The following MYLK variants were observed in gnomAD, a reference collection of about 807,000 sequenced individuals.
MYLK encodes the protein myosin light chain kinase, also known as myosin light chain kinase, smooth muscle.
Under a neutral mutation model 203.4 loss-of-function variants are expected in MYLK, and 106 were observed. The ratio of observed to expected loss-of-function variants is 0.52; its 90% CI spans 0.45 to 0.61. The LOEUF (loss-of-function observed/expected upper bound fraction) is 0.61. MYLK is among the 20% of genes least tolerant of loss of function. The pLI is 0.00. For synonymous variants in MYLK, 867 were observed against 959.5 expected, an observed-to-expected ratio of 0.90 and a Z score of 1.78; for missense variants, 2,072 against 2,442.3, an observed-to-expected ratio of 0.85 and a Z score of 3.20.
intron 8 of MYLK, 55 bp downstream of exon 8, chr3:123,737,323 G>T (rs749908907): frequency 3.7e-6 from 6 of 1,612,340 alleles, no homozygotes; most frequent in Non-Finnish European, 5.1e-6. Context: ...GCTCCTCTAG[G>T]AGGGTGCGGC....
intron 2 of MYLK, among the ~76,000 whole-genome samples, chr3:123,836,422 A>G (rs889447380): frequency 3.3e-5 from 5 of 152,214 alleles, no homozygotes; most frequent in African/African-American, 9.6e-5. Context: ...AATACAAATA[A>G]TAACATATTA....
intron 2 of MYLK, among the ~76,000 whole-genome samples, chr3:123,868,833 C>G (rs951229074): frequency 2.0e-5 from 3 of 152,136 alleles, no homozygotes; most frequent in Admixed American, 6.5e-5. Context: ...ATGTGGCAGG[C>G]CTAATTGCAG....
intron 2 of MYLK, among the ~76,000 whole-genome samples, chr3:123,872,679 A>G (rs1159967371): frequency 6.6e-5 from 10 of 152,186 alleles, no homozygotes; most frequent in African/African-American, 2.4e-4. Context: ...AGGACAAGGT[A>G]TGTGAAAAGG....
At chr3:123,687,029 C>G (rs1211502177) in intron 19 of MYLK, among the ~76,000 whole-genome samples, 2 of 152,088 alleles carry the variant, frequency 1.3e-5, no homozygotes, top group African/African-American at 4.8e-5. Flanking sequence ...TGAGACCAGA[C>G]TGGCCAACAT....
intron 2 of MYLK, among the ~76,000 whole-genome samples, chr3:123,856,187 C>A (rs1425550067): frequency 6.6e-6 from 1 of 152,164 alleles, no homozygotes; most frequent in African/African-American, 2.4e-5. Flanking sequence ...TATGACACTT[C>A]AGTAGTTTTT....
intron 2 of MYLK, among the ~76,000 whole-genome samples, chr3:123,871,009 C>T (rs2032747661): frequency 6.6e-6 from 1 of 152,080 alleles, no homozygotes; most frequent in South Asian, 2.1e-4. Context: ...GGTGGGAAGA[C>T]CAGGCCACTG....
At chr3:123,818,479 C>A (rs1418175788) in intron 3 of MYLK, among the ~76,000 whole-genome samples, 2 of 152,104 alleles carry the variant, frequency 1.3e-5, no homozygotes, top group Non-Finnish European at 2.9e-5. Flanking sequence ...CACTTGAGCC[C>A]AGGAGGTCGA....
At position 123,688,320 on chromosome 3, in the gene MYLK, A is replaced by G. The variant is rs139304437; in HGVS notation, c.3565+4415T>C. On this transcript the variant is annotated intron_variant, in intron 19 of 33. Transcript: ENST00000360304. ...AGCAATCTTAAACTTCACATGCACT[A>G]AACTCTTGATCGTGCCCCCCAGCCC... Among the ~76,000 whole-genome samples the G allele has an allele frequency of 1.7e-3, 262 of 152,144 alleles. 2 individuals carry two copies. The highest frequency in any genetic ancestry group is 6.1e-3 in the African/African-American group (253 of 41,496).
chr3:123,884,041 C>G (rs1037994830), intron 1 of MYLK, among the ~76,000 whole-genome samples, 165 bp downstream of exon 1: 3 of 152,282 alleles, frequency 2.0e-5, no homozygotes, highest in East Asian at 1.9e-4. Context: ...CTGGGGTCGT[C>G]TCCTTACGCC....
chr3:123,817,118 G>A (rs1441913161), intron 3 of MYLK, among the ~76,000 whole-genome samples: 2 of 152,152 alleles, frequency 1.3e-5, no homozygotes, highest in African/African-American at 4.8e-5. Flanking sequence ...AAAGAGATGG[G>A]TGCAATAAAC....
At chr3:123,709,342 CGT>C (rs1379203654) in intron 14 of MYLK, 5 of 253,862 alleles carry the variant, frequency 2.0e-5, no homozygotes, top group Admixed American at 1.0e-4. Context: ...AGGGTTTCAC[CGT>C]GTTAGCCAGG....
At position 123,700,871 on chromosome 3, in the gene MYLK, C is replaced by CCGTCTTCCT. The variant is rs747353807; in HGVS notation, c.2588_2596dup (p.Glu863_Asp865dup). ...CTTCAGCACCCCTCGCACGTCCTCG[C>CCGTCTTCCT]CGTCTTCCTCCTCTAGCCAACCCTG... On this transcript the variant is annotated inframe_insertion, in exon 18 of 34. Transcript: ENST00000360304. 3.1e-6 allele frequency: 5 copies of CCGTCTTCCT among 1,613,470 alleles called. No individual in the cohort carries two copies. Among genetic ancestry groups the CCGTCTTCCT allele is most frequent in the Admixed American group, 1.7e-5 (1 of 60,016 alleles).
intron 11 of MYLK, among the ~76,000 whole-genome samples, chr3:123,728,870 G>A (rs2062385591): frequency 6.6e-6 from 1 of 152,196 alleles, no homozygotes. Flanking sequence ...CCGACTCAAA[G>A]TTTACTCTGT....
chr3:123,664,203 G>T lies in MYLK; in HGVS notation c.3887C>A (p.Thr1296Asn). 6.2e-7 allele frequency: 1 copy of T among 1,614,202 alleles called. No individual in the cohort carries two copies. Among genetic ancestry groups the T allele is most frequent in the Non-Finnish European group, 8.5e-7 (1 of 1,180,032 alleles). The change falls in exon 23 of 34, where the codon ACC (threonine) becomes AAC (asparagine). Residue 1296 changes from threonine (T) to asparagine (N), a missense_variant. By Grantham distance (65) the Thr-to-Asn change is moderately conservative (BLOSUM62 0). Around this residue, in one of 3 missense-constraint regions of MYLK, gnomAD observed 865 missense variants for 1,016.0 expected, o/e 0.85. Coordinates refer to ENST00000360304, the MANE Select transcript of MYLK (RefSeq NM_053025.4). ...GTGCTCCTGGCGCGCGGCCAGGATGGTGAGCTTGCTGCCATTCTCGCTGTT... is the reference window on the plus strand; with the variant it reads ...GTGCTCCTGGCGCGCGGCCAGGATGTTGAGCTTGCTGCCATTCTCGCTGTT... ...VENSENGSKL[T>N]ILAARQEHCG...
At chr3:123,654,536 A>T (rs1417516811) in intron 24 of MYLK, among the ~76,000 whole-genome samples, 1 of 151,810 alleles carries the variant, frequency 6.6e-6, no homozygotes, top group African/African-American at 2.4e-5. Context: ...TCACCTACTG[A>T]TCAGTTTTGG....
In MYLK at chr3:123,811,904, TATTAA is replaced by T. The variant is rs373595453; in HGVS notation, c.-3-18065_-3-18061del. 3.3e-3 allele frequency among the ~76,000 whole-genome samples: 506 copies of T among 152,292 alleles called. 2 individuals carry two copies. Among genetic ancestry groups the T allele is most frequent in the African/African-American group, 0.011 (461 of 41,544 alleles). Reference sequence around the variant, plus strand: ...TATCATTTTTCTATAAAAACATATCTATTAAATTAACAATTCACTTCTAACTACTA... The same window carrying T: ...TATCATTTTTCTATAAAAACATATCTATTAACAATTCACTTCTAACTACTA... On this transcript the variant is annotated intron_variant, in intron 3 of 33. Coordinates refer to ENST00000360304, the MANE Select transcript of MYLK (RefSeq NM_053025.4).
At chr3:123,740,762 G>A (rs2062832440) in intron 5 of MYLK, among the ~76,000 whole-genome samples, 2 of 152,208 alleles carry the variant, frequency 1.3e-5, no homozygotes, top group South Asian at 4.1e-4. Context: ...CTGCTATGCT[G>A]GGCACTGCCA....
At chr3:123,636,274 A>C (rs2058640287) in intron 29 of MYLK, among the ~76,000 whole-genome samples, 3 of 152,232 alleles carry the variant, frequency 2.0e-5, no homozygotes, top group Admixed American at 2.0e-4. Flanking sequence ...GACTGTGGGA[A>C]GTGGGCAGCC....
At chr3:123,781,046 C>A (rs1560208449) in intron 4 of MYLK, among the ~76,000 whole-genome samples, 2 of 152,066 alleles carry the variant, frequency 1.3e-5, no homozygotes, top group Non-Finnish European at 2.9e-5. Context: ...GGTCCGGGCT[C>A]CAGTTAGAAA....
Sources: allele counts gnomAD v4.1 joint callset (sites outside exome capture counted in the v4.1 genomes callset), GRCh38; gene constraint gnomAD v4.1.1; regional missense constraint gnomAD v4.1.1; transcripts MANE v1.5; gene names NCBI Gene and HGNC (gene_info 2026-07-23, HGNC 2026-07-21).